CCDC88C: variants seen among roughly 807,000 people sequenced by gnomAD.
CCDC88C encodes coiled-coil and HOOK domain protein 88C, also known as protein Daple.
CCDC88C carries 131 observed loss-of-function variants against 198.8 expected under a neutral mutation model. The observed-to-expected ratio is 0.66, with a 90% confidence interval of 0.57 to 0.76. CCDC88C has a LOEUF of 0.76. CCDC88C is among the 30% of genes least tolerant of loss of function. CCDC88C has a pLI of 0.00. For missense variants in CCDC88C, 2,553 were observed against 2,631.6 expected (o/e 0.97, Z 0.65); for synonymous variants, 1,166 against 1,114.7 (o/e 1.05, Z -0.92).
intron 13 of CCDC88C, among the ~76,000 whole-genome samples, chr14:91,316,424 AC>A (rs199720555): frequency 6.8e-6 from 1 of 146,622 alleles, no homozygotes; most frequent in Admixed American, 6.8e-5. Context: ...TTCTGACTCA[AC>A]CTTTTTTTTT....
intron 18 of CCDC88C, among the ~76,000 whole-genome samples, chr14:91,306,680 G>T (rs1357733221): frequency 3.3e-5 from 5 of 152,222 alleles, no homozygotes; most frequent in African/African-American, 1.2e-4. Flanking sequence ...CACTGTAGGG[G>T]AAGCAGCCCC....
At chr14:91,374,659 C>T (rs1383384575) in intron 3 of CCDC88C, among the ~76,000 whole-genome samples, 1 of 152,222 alleles carries the variant, frequency 6.6e-6, no homozygotes, top group East Asian at 1.9e-4. Context: ...AGCACAGAGC[C>T]TGGGGTGGCC....
chr14:91,315,575 G>C (rs145421429), intron 14 of CCDC88C, 75 bp downstream of exon 14: 1 of 1,528,780 alleles, frequency 6.5e-7, no homozygotes, highest in Non-Finnish European at 9.0e-7. Context: ...TACAGTACCA[G>C]GAATGGCTGT....
At chr14:91,278,715 T>C (rs896840346) in intron 28 of CCDC88C, among the ~76,000 whole-genome samples, 1 of 152,104 alleles carries the variant, frequency 6.6e-6, no homozygotes, top group African/African-American at 2.4e-5. Context: ...CATGCCTGCA[T>C]TCTCAGTGCT....
intron 3 of CCDC88C, among the ~76,000 whole-genome samples, chr14:91,364,229 G>A (rs1049587666): frequency 6.6e-6 from 1 of 152,218 alleles, no homozygotes; most frequent in Non-Finnish European, 1.5e-5. Context: ...GGCCCTCCAA[G>A]GGAACCCCCT....
intron 25 of CCDC88C, among the ~76,000 whole-genome samples, chr14:91,286,689 G>T (rs7143715): frequency 0.35 from 53,358 of 152,090 alleles, 9,785 homozygotes; most frequent in Non-Finnish European, 0.42. Context: ...CAAGGCTGGT[G>T]TCCTTGTGGC....
At chr14:91,329,146 T>C (rs1487053682) in intron 10 of CCDC88C, among the ~76,000 whole-genome samples, 1 of 152,232 alleles carries the variant, frequency 6.6e-6, no homozygotes, top group Non-Finnish European at 1.5e-5. Flanking sequence ...GGACATCCCT[T>C]GAACTTCACC....
Position 91,338,094 on chromosome 14 carries a change from T to C in CCDC88C, c.961A>G (p.Lys321Glu). Residue 321 changes from lysine to glutamate, a missense_variant, in exon 10 of 30, where the codon AAG becomes GAG. Coordinates refer to ENST00000389857, the MANE Select transcript of CCDC88C (RefSeq NM_001080414.4). The surrounding 1 kb of genome is among the most constrained non-coding windows in gnomAD (Gnocchi z 4.8). The part of the protein sequence containing the change: ...YRDELDSLRE[K>E]ANRVERLELE... ...TCCAGCCTCTCCACGCGGTTCGCCTTCTCCCGCAGGGAATCCAGCTCGTCT... is the reference window on the plus strand; with the variant it reads ...TCCAGCCTCTCCACGCGGTTCGCCTCCTCCCGCAGGGAATCCAGCTCGTCT... 1.2e-6 allele frequency: 2 copies of C among 1,613,870 alleles called. No individual in the cohort carries two copies. Among genetic ancestry groups the C allele is most frequent in the South Asian group, 1.1e-5 (1 of 91,080 alleles).
In CCDC88C at chr14:91,417,819, G is replaced by A; in HGVS notation, c.-129C>T. 3 of 402,814 alleles carry A rather than the reference G, an allele frequency of 7.4e-6. No homozygotes were observed. Among genetic ancestry groups the A allele is most frequent in the Non-Finnish European group, 1.1e-5 (3 of 276,988 alleles). 25.0% of individuals were successfully genotyped at this position (402,814 alleles called of 1,614,324 possible). ...GGCGGCTCGCGCCCGGGAGACAAAG[G>A]CGGGGCGCGCGAGCCCACGTTCCGC... is the stretch of plus-strand genomic sequence containing the variant. On this transcript the variant is annotated 5_prime_UTR_variant, in exon 1 of 30. Coordinates refer to ENST00000389857, the MANE Select transcript of CCDC88C (RefSeq NM_001080414.4).
chr14:91,390,378 G>A (rs1024683189), intron 3 of CCDC88C, among the ~76,000 whole-genome samples: 3 of 152,212 alleles, frequency 2.0e-5, no homozygotes, highest in African/African-American at 7.2e-5. Context: ...ACTGGAGAGG[G>A]TGGGGACTCT....
intron 3 of CCDC88C, among the ~76,000 whole-genome samples, chr14:91,368,134 T>C (rs1007189778): frequency 6.6e-6 from 1 of 152,200 alleles, no homozygotes; most frequent in African/African-American, 2.4e-5. Flanking sequence ...TTTAAAAACC[T>C]CTTTTGTGGA....
At chr14:91,392,592 G>C (rs1374812605) in intron 3 of CCDC88C, among the ~76,000 whole-genome samples, 1 of 152,160 alleles carries the variant, frequency 6.6e-6, no homozygotes. Flanking sequence ...TAATAACCCA[G>C]GGTTTCCATA....
chr14:91,285,584 C>A (rs536322788), intron 25 of CCDC88C: 3 of 1,203,456 alleles, frequency 2.5e-6, no homozygotes, highest in East Asian at 5.8e-5. Context: ...GGCCATCTGG[C>A]CTTTTAGACG....
intron 22 of CCDC88C, among the ~76,000 whole-genome samples, chr14:91,295,132 CAT>C (rs1387769034): frequency 6.6e-6 from 1 of 152,210 alleles, no homozygotes; most frequent in African/African-American, 2.4e-5. Flanking sequence ...AGGTGGGAAA[CAT>C]AGGCTGTCCC....
At chr14:91,385,853 G>A (rs866659872) in intron 3 of CCDC88C, among the ~76,000 whole-genome samples, 1 of 152,042 alleles carries the variant, frequency 6.6e-6, no homozygotes, top group Non-Finnish European at 1.5e-5. Context: ...CCTGGGTGGG[G>A]CACAGGGCTT....
intron 15 of CCDC88C, among the ~76,000 whole-genome samples, chr14:91,312,812 G>C (rs1466837773): frequency 6.6e-6 from 1 of 152,240 alleles, no homozygotes; most frequent in South Asian, 2.1e-4. Flanking sequence ...TCACCTGTGT[G>C]TAAGTATGAC....
intron 3 of CCDC88C, among the ~76,000 whole-genome samples, chr14:91,387,385 G>C (rs150204525): frequency 6.6e-6 from 1 of 152,094 alleles, no homozygotes; most frequent in South Asian, 2.1e-4. Context: ...GTTACACTCC[G>C]CTGCGTCTTC....
chr14:91,333,301 T>C (rs1435134171), intron 10 of CCDC88C, among the ~76,000 whole-genome samples: 1 of 152,272 alleles, frequency 6.6e-6, no homozygotes, highest in East Asian at 1.9e-4. Flanking sequence ...CTTAAGGGAA[T>C]ATAGTATTTT....
At chr14:91,367,245 GA>G (rs1225390226) in intron 3 of CCDC88C, among the ~76,000 whole-genome samples, 4 of 152,188 alleles carry the variant, frequency 2.6e-5, no homozygotes, top group African/African-American at 9.7e-5. Flanking sequence ...GGAAATCCCA[GA>G]AAAGTTAAGA....
Sources: gnomAD v4.1 joint callset for allele counts (sites outside exome capture counted in the v4.1 genomes callset) on GRCh38, gnomAD v4.1.1 for gene constraint, Gnocchi (gnomAD v3.1) non-coding constraint, MANE v1.5 for transcripts, NCBI Gene and HGNC (gene_info 2026-07-23, HGNC 2026-07-21) for gene names.